The following SYNE2 variants were observed in gnomAD, a reference collection of about 807,000 sequenced individuals.
SYNE2 encodes nesprin-2.
A neutral mutation model predicts 856.3 loss-of-function variants in SYNE2; 431 were observed. The ratio of observed to expected loss-of-function variants is 0.50; its 90% CI spans 0.47 to 0.55. SYNE2 has a LOEUF of 0.55. Ranked by LOEUF, SYNE2 falls within the 20% of genes least tolerant of loss-of-function variation. SYNE2 has a pLI of 0.00. For synonymous variants in SYNE2, 2,923 were observed against 2,872.3 expected (o/e 1.02, Z -0.56); for missense variants, 8,129 against 8,023.2 (o/e 1.01, Z -0.50).
intron 103 of SYNE2, among the ~76,000 whole-genome samples, chr14:64,210,668 G>C (rs1416924554): frequency 6.6e-6 from 1 of 152,242 alleles, no homozygotes; most frequent in Non-Finnish European, 1.5e-5. Context: ...CTGTCATTCA[G>C]AAGATGTGCT....
intron 63 of SYNE2, chr14:64,099,988 C>T (rs1198944785): frequency 6.6e-6 from 1 of 151,874 alleles, no homozygotes; most frequent in Non-Finnish European, 1.5e-5. Flanking sequence ...GGGTATATAC[C>T]CAAAGGACTA....
intron 104 of SYNE2, among the ~76,000 whole-genome samples, chr14:64,212,419 C>G (rs959386783): frequency 3.3e-5 from 5 of 152,298 alleles, no homozygotes; most frequent in Middle Eastern, 3.4e-3. Flanking sequence ...GGAAATTTGC[C>G]TTCCCTAGTA....
chr14:63,799,707 A>C (rs1174259607), intron 1 of SYNE2, among the ~76,000 whole-genome samples: 1 of 152,118 alleles, frequency 6.6e-6, no homozygotes, highest in East Asian at 1.9e-4. Flanking sequence ...ACAAACAAAC[A>C]AAAAAGACTT....
intron 39 of SYNE2, 76 bp downstream of exon 39, chr14:64,024,535 A>C: frequency 7.2e-7 from 1 of 1,380,188 alleles, no homozygotes; most frequent in African/African-American, 1.4e-5. Context: ...CAGCGCAGAG[A>C]GCACTGGGAT....
At position 63,777,542 on chromosome 14, in the gene SYNE2, T is replaced by C. The variant is rs542664961; in HGVS notation, c.-305+15556T>C. Among the ~76,000 whole-genome samples the C allele has an allele frequency of 3.3e-5, 5 of 152,230 alleles. No homozygotes were observed. The South Asian group carries it at 1.0e-3, about 32-fold the overall frequency. ...AAAACAAAACAAAAACAAATTGGTG[T>C]ATGAAACCAGTCTGAGACCTTCAGC... On this transcript the variant is annotated intron_variant, in intron 1 of 23. Coordinates refer to the SYNE2 transcript ENST00000674003.
rs369467575 is a variant in SYNE2 at position 63,861,758 on chromosome 14, G to T, written c.-52+8615G>T. The stretch of plus-strand genomic sequence containing the variant: ...GCCGTGAGAGACACAGTGAGACCCC[G>T]ACTAAAAAGAAAAAAAGGAATGTAG... On this transcript the variant is annotated intron_variant, in intron 1 of 115. Coordinates refer to ENST00000555002, the MANE Select transcript of SYNE2 (RefSeq NM_182914.3). Among the ~76,000 whole-genome samples, 20 of 151,958 alleles carry T rather than the reference G, an allele frequency of 1.3e-4. No individual in the cohort carries two copies. The East Asian group carries it at 3.3e-3, about 25-fold the overall frequency.
intron 45 of SYNE2, among the ~76,000 whole-genome samples, chr14:64,035,693 AT>A (rs974672527): frequency 2.0e-5 from 3 of 151,886 alleles, no homozygotes; most frequent in African/African-American, 7.2e-5. Context: ...TCCTTTATTT[AT>A]TTTTTATGAA....
At position 63,921,270 on chromosome 14, in the gene SYNE2, G is replaced by A. The variant is rs185507762; in HGVS notation, c.79+12043G>A. On this transcript the variant is annotated intron_variant, in intron 2 of 115. Transcript: ENST00000555002. Reference sequence around the variant, plus strand: ...ACTCAGTTCTGGAAATGTTGAGTTCGAGATGTCTATGGAATAACCACATGG... The same window carrying A: ...ACTCAGTTCTGGAAATGTTGAGTTCAAGATGTCTATGGAATAACCACATGG... 5.3e-5 allele frequency among the ~76,000 whole-genome samples: 8 copies of A among 152,214 alleles called. No individual in the cohort carries two copies. The East Asian group carries it at 5.8e-4, about 11-fold the overall frequency.
At chr14:64,071,662 C>T (rs2097408812) in intron 52 of SYNE2, among the ~76,000 whole-genome samples, 1 of 152,106 alleles carries the variant, frequency 6.6e-6, no homozygotes, top group Admixed American at 6.6e-5. Flanking sequence ...TTGTATTCTG[C>T]TGAGTAATTT....
chr14:63,781,617 G>C (rs1162958841), intron 1 of SYNE2, among the ~76,000 whole-genome samples: 2 of 151,672 alleles, frequency 1.3e-5, no homozygotes, highest in African/African-American at 4.8e-5. Context: ...AGGAGGGCTA[G>C]CATGAACCCC....
At chr14:63,994,662 A>T (rs2096698615) in intron 22 of SYNE2, among the ~76,000 whole-genome samples, 1 of 152,176 alleles carries the variant, frequency 6.6e-6, no homozygotes, top group African/African-American at 2.4e-5. Context: ...TTTGCACTTT[A>T]TTTACCTTTT....
intron 63 of SYNE2, among the ~76,000 whole-genome samples, chr14:64,101,169 A>G (rs2097726017): frequency 6.6e-6 from 1 of 152,190 alleles, no homozygotes; most frequent in Non-Finnish European, 1.5e-5. Flanking sequence ...ATATGTACTC[A>G]GTAGTGGGAT....
At chr14:63,822,669 T>C (rs1889267488) in intron 1 of SYNE2, among the ~76,000 whole-genome samples, 1 of 152,224 alleles carries the variant, frequency 6.6e-6, no homozygotes, top group South Asian at 2.1e-4. Flanking sequence ...AATGCTCTGC[T>C]CATGTCTAGA....
chr14:64,124,182 G>A lies in SYNE2; in HGVS notation c.13423-897G>A, dbSNP rs142098246. The stretch of plus-strand genomic sequence containing the variant: ...ATTGTGCCATTGCACTCCAGCCCTG[G>A]TGACAACAGCGAGACTCCGTCTCAA... On this transcript the variant is annotated intron_variant, in intron 70 of 115. Transcript: ENST00000555002. Among the ~76,000 whole-genome samples, 393 of 152,022 alleles carry A rather than the reference G, an allele frequency of 2.6e-3. 18 individuals carry two copies. In the East Asian group the frequency reaches 0.065, roughly 25 times the overall value.
intron 7 of SYNE2, among the ~76,000 whole-genome samples, chr14:63,950,943 T>C (rs1048407195): frequency 1.3e-5 from 2 of 151,786 alleles, no homozygotes; most frequent in African/African-American, 2.4e-5. Context: ...AGGTGTGAGC[T>C]ACCACACCAG....
At chr14:64,159,667 C>T (rs2098312960) in intron 87 of SYNE2, among the ~76,000 whole-genome samples, 1 of 152,110 alleles carries the variant, frequency 6.6e-6, no homozygotes, top group African/African-American at 2.4e-5. Flanking sequence ...CTAGAAATGG[C>T]CTAATAACAA....
At chr14:64,221,431 T>C in intron 111 of SYNE2, 145 bp from the exon 112 acceptor site, 2 of 1,449,380 alleles carry the variant, frequency 1.4e-6, no homozygotes, top group Admixed American at 3.6e-5. Flanking sequence ...CCCTGGCATT[T>C]AGTTTAAAGC....
chr14:64,077,876 G>A (rs951798455), intron 54 of SYNE2, among the ~76,000 whole-genome samples: 2 of 152,118 alleles, frequency 1.3e-5, no homozygotes, highest in Admixed American at 6.5e-5. Context: ...CAGTAGCTAA[G>A]TTTCTGATGG....
At chr14:63,887,749 C>CTTTTTT (rs11450102) in intron 1 of SYNE2, among the ~76,000 whole-genome samples, 3 of 108,280 alleles carry the variant, frequency 2.8e-5, no homozygotes, top group Non-Finnish European at 3.6e-5. Context: ...GTGAGTCCTG[C>CTTTTTT]TTTTTTTTTT....
Sources: allele counts gnomAD v4.1 joint callset (sites outside exome capture counted in the v4.1 genomes callset), GRCh38; gene constraint gnomAD v4.1.1; transcripts MANE v1.5; gene names NCBI Gene and HGNC (gene_info 2026-07-23, HGNC 2026-07-21).